The following FAM83F variants were observed in gnomAD, a reference collection of about 807,000 sequenced individuals.
The protein encoded by FAM83F is protein FAM83F.
Under a neutral mutation model 42.9 loss-of-function variants are expected in FAM83F, and 45 were observed. The ratio of observed to expected loss-of-function variants is 1.05; its 90% confidence interval spans 0.83 to 1.35. The LOEUF is 1.35. FAM83F is among the 40% of genes most tolerant of loss of function. The pLI is 0.00. For synonymous variants in FAM83F, 306 were observed against 298.3 expected, an observed-to-expected ratio of 1.03 and a Z score of -0.27; for missense variants, 617 against 695.9, an observed-to-expected ratio of 0.89 and a Z score of 1.28.
rs1471173551 is a variant in FAM83F, at chr22:40,032,701, T to G, written c.*3136T>G. 1.3e-5 allele frequency: 2 copies of G among 151,986 alleles called. No homozygotes were observed. The highest frequency in any genetic ancestry group is 2.9e-5 in the Non-Finnish European group (2 of 68,008). The allele number at this position is 151,986 out of a possible 1,614,324, so 9.4% of individuals were successfully genotyped here. ...CTTCTGCCTCAGCCTCCTGAGCAGC[T>G]ATGACTACAGGTGCCCACCACCATG... On this transcript the variant is annotated 3_prime_UTR_variant, in exon 5 of 5. Coordinates refer to ENST00000333407, the MANE Select transcript of FAM83F (RefSeq NM_138435.4).
At position 40,042,045 on chromosome 22, in the gene FAM83F, A is replaced by G. The variant is rs528545355; in HGVS notation, c.*12480A>G. The G allele has an allele frequency of 6.6e-6, 1 of 152,146 alleles. No homozygotes were observed. Among genetic ancestry groups the G allele is most frequent in the South Asian group, 2.1e-4 (1 of 4,822 alleles). 9.4% of individuals were successfully genotyped at this position (152,146 alleles called of 1,614,324 possible). A position where few individuals can be genotyped will look rare whatever the true frequency, so the allele number is the denominator to read the frequency against. On this transcript the variant is annotated 3_prime_UTR_variant, in exon 5 of 5. Coordinates refer to ENST00000333407, the MANE Select transcript of FAM83F (RefSeq NM_138435.4). ...AACTATTTATTTTCTTTCTTTTTGT[A>G]GAAATGGGCTCTGCCTGTGTTGCTC...
chr22:40,002,342 T>C (rs2067406771), intron 1 of FAM83F, among the ~76,000 whole-genome samples: 1 of 152,182 alleles, frequency 6.6e-6, no homozygotes, highest in African/African-American at 2.4e-5. Flanking sequence ...ATGTAATCAT[T>C]GCCTTGGGCT....
In FAM83F at chr22:40,041,260, C is replaced by G. The variant is rs528208372; in HGVS notation, c.*11695C>G. The G allele has an allele frequency of 6.6e-6, 1 of 152,114 alleles. No individual in the cohort carries two copies. Among genetic ancestry groups the G allele is most frequent in the South Asian group, 2.1e-4 (1 of 4,824 alleles). The allele number at this position is 152,114 out of a possible 1,614,324, so 9.4% of individuals were successfully genotyped here. On this transcript the variant is annotated 3_prime_UTR_variant, in exon 5 of 5. Transcript: ENST00000333407. ...CTGCATACAAGTGTGCAGGGCTTAA[C>G]GAGTCTTTTTACTCTGAAAGCTGGG...
chr22:40,017,229 T>TC (rs984781132), intron 1 of FAM83F, among the ~76,000 whole-genome samples: 33 of 147,258 alleles, frequency 2.2e-4, no homozygotes, highest in Non-Finnish European at 4.1e-4. Context: ...CACTTTCTTT[T>TC]TTTTTTTTTT....
intron 1 of FAM83F, among the ~76,000 whole-genome samples, chr22:40,001,309 T>C (rs2067400298): frequency 6.6e-6 from 1 of 152,142 alleles, no homozygotes; most frequent in Admixed American, 6.5e-5. Flanking sequence ...TCCTGGCTGA[T>C]AAAATGGGGA....
intron 1 of FAM83F, among the ~76,000 whole-genome samples, chr22:39,997,213 G>T (rs1464234269): frequency 6.6e-6 from 1 of 152,208 alleles, no homozygotes; most frequent in Non-Finnish European, 1.5e-5. Context: ...TGAAATAATG[G>T]TGCAGTCCGA....
rs2067574420 is a variant in FAM83F at position 40,029,438 on chromosome 22, C to T, written c.1454-78C>T. The T allele has an allele frequency of 8.5e-6, 13 of 1,535,894 alleles. No individual in the cohort carries two copies. In the East Asian group the frequency reaches 9.8e-5, roughly 12 times the overall value. The stretch of plus-strand genomic sequence containing the variant: ...CCCTCAACTGGAGATGTGGACAGCA[C>T]ACAGGGTAGGAACTGAAGCTGAATC... On this transcript the variant is annotated intron_variant, in intron 4 of 4. Coordinates refer to ENST00000333407, the MANE Select transcript of FAM83F (RefSeq NM_138435.4).
At chr22:40,018,306 ATG>A (rs1229411903) in intron 1 of FAM83F, among the ~76,000 whole-genome samples, 1 of 152,132 alleles carries the variant, frequency 6.6e-6, no homozygotes, top group Non-Finnish European at 1.5e-5. Context: ...GTTTGAGCAG[ATG>A]TGTGGCTCAC....
At position 40,041,359 on chromosome 22, in the gene FAM83F, A is replaced by G. The variant is rs2067649545; in HGVS notation, c.*11794A>G. Reference sequence around the variant, plus strand: ...GAGAGGAAATGAGAGCAAGCACAAGAGAGCACCCTGGCATAGCATTCTCTG... The same window carrying G: ...GAGAGGAAATGAGAGCAAGCACAAGGGAGCACCCTGGCATAGCATTCTCTG... On this transcript the variant is annotated 3_prime_UTR_variant, in exon 5 of 5. Transcript: ENST00000333407. 1 of 152,208 alleles carries G rather than the reference A, an allele frequency of 6.6e-6. No individual in the cohort carries two copies. The highest frequency in any genetic ancestry group is 1.5e-5 in the Non-Finnish European group (1 of 68,044). 9.4% of individuals were successfully genotyped at this position (152,208 alleles called of 1,614,324 possible).
intron 1 of FAM83F, among the ~76,000 whole-genome samples, chr22:40,011,446 G>T (rs925257123): frequency 6.6e-6 from 1 of 152,146 alleles, no homozygotes; most frequent in East Asian, 1.9e-4. Context: ...GCCTCCCAAA[G>T]GGCTGGGATA....
At chr22:40,024,591 A>G (rs1237508921) in intron 4 of FAM83F, among the ~76,000 whole-genome samples, 1 of 152,174 alleles carries the variant, frequency 6.6e-6, no homozygotes, top group South Asian at 2.1e-4. Flanking sequence ...TGCTCCCTGT[A>G]CCCAGGACAC....
chr22:39,995,088 G>T lies in FAM83F; in HGVS notation c.46G>T (p.Glu16Ter). Reference protein sequence around the residue: ...LNCLDEAHVNEKVTEAQAAFY... With the variant: ...LNCLDEAHVN ...CTGCCTGGACGAGGCGCACGTGAAC[G>T]AGAAGGTGACCGAGGCGCAGGCCGC... The change falls in exon 1 of 5, where the codon GAG becomes TAG. Residue 16 changes from glutamate to a stop codon, truncating the protein, a stop_gained. Coordinates refer to ENST00000333407, the MANE Select transcript of FAM83F (RefSeq NM_138435.4). LOFTEE classifies it high-confidence loss of function. This position sits in a 1 kb window ranked among gnomAD's most constrained non-coding sequence, Gnocchi z 4.6. The T allele has an allele frequency of 7.4e-7, 1 of 1,351,982 alleles. No individual in the cohort carries two copies. The highest frequency in any genetic ancestry group is 9.4e-7 in the Non-Finnish European group (1 of 1,060,032). 83.7% of individuals were successfully genotyped at this position (1,351,982 alleles called of 1,614,324 possible). A position where few individuals can be genotyped will look rare whatever the true frequency, so the allele number is the denominator to read the frequency against.
Position 40,042,631 on chromosome 22 carries a change from C to G in FAM83F, c.*13066C>G, listed in dbSNP as rs1297075931. 1.3e-5 allele frequency: 2 copies of G among 152,204 alleles called. No homozygotes were observed. Among genetic ancestry groups the G allele is most frequent in the African/African-American group, 4.8e-5 (2 of 41,430 alleles). 9.4% of individuals were successfully genotyped at this position (152,204 alleles called of 1,614,324 possible). A position where few individuals can be genotyped will look rare whatever the true frequency, so the allele number is the denominator to read the frequency against. On this transcript the variant is annotated 3_prime_UTR_variant, in exon 5 of 5. Coordinates refer to ENST00000333407, the MANE Select transcript of FAM83F (RefSeq NM_138435.4). ...GTCCTTGAAGGAAGAGAGAGTGTAT[C>G]ACTCATCTGCATAGCCTTTGTAACT...
chr22:40,020,090 C>G (rs1601770173), intron 3 of FAM83F, 82 bp downstream of exon 3: 11 of 1,526,034 alleles, frequency 7.2e-6, no homozygotes, highest in Non-Finnish European at 8.8e-6. Context: ...CCGGAGCCTC[C>G]GTCATCATGA....
rs1439936776 is a variant in FAM83F, at chr22:40,039,425, A to G, written c.*9860A>G. 6.6e-6 allele frequency: 1 copy of G among 152,190 alleles called. No individual in the cohort carries two copies. The highest frequency in any genetic ancestry group is 2.4e-5 in the African/African-American group (1 of 41,438). The allele number at this position is 152,190 out of a possible 1,614,324, so 9.4% of individuals were successfully genotyped here. ...CGCCTGGCCTGGTATGTGGGTTAAA[A>G]TGTTAGGTTTTATCATTATCTTAGG... is the stretch of plus-strand genomic sequence containing the variant. On this transcript the variant is annotated 3_prime_UTR_variant, in exon 5 of 5. Coordinates refer to ENST00000333407, the MANE Select transcript of FAM83F (RefSeq NM_138435.4).
At chr22:40,016,704 C>T (rs1202200469) in intron 1 of FAM83F, among the ~76,000 whole-genome samples, 1 of 151,510 alleles carries the variant, frequency 6.6e-6, no homozygotes, top group Non-Finnish European at 1.5e-5. Flanking sequence ...CTCATTGTCC[C>T]CCAGGCTGGA....
At chr22:40,019,406 C>T (rs2067507954) in intron 2 of FAM83F, 71 bp downstream of exon 2, 5 of 1,440,154 alleles carry the variant, frequency 3.5e-6, no homozygotes, top group African/African-American at 1.4e-5. Flanking sequence ...CGTCCTGCAG[C>T]TCCCCCCTGC....
chr22:40,039,340 C>G lies in FAM83F; in HGVS notation c.*9775C>G, dbSNP rs910000776. On this transcript the variant is annotated 3_prime_UTR_variant, in exon 5 of 5. Transcript: ENST00000333407. ...CAGCCTGGTCTTGAACCTCTGACTT[C>G]CATGATCCACCTGCCTCTGCCTCCC... is the stretch of plus-strand genomic sequence containing the variant. 7 of 152,196 alleles carry G rather than the reference C, an allele frequency of 4.6e-5. No homozygotes were observed. The highest frequency in any genetic ancestry group is 1.4e-4 in the African/African-American group (6 of 41,426). 9.4% of individuals were successfully genotyped at this position (152,196 alleles called of 1,614,324 possible).
intron 4 of FAM83F, among the ~76,000 whole-genome samples, chr22:40,026,303 G>T (rs2067552277): frequency 6.6e-6 from 1 of 152,194 alleles, no homozygotes; most frequent in Non-Finnish European, 1.5e-5. Flanking sequence ...GGCAGATCAT[G>T]AGGTCAGGAG....
Sources: allele counts gnomAD v4.1 joint callset (sites outside exome capture counted in the v4.1 genomes callset), GRCh38; gene constraint gnomAD v4.1.1; non-coding constraint Gnocchi (gnomAD v3.1); transcripts MANE v1.5; gene names NCBI Gene and HGNC (gene_info 2026-07-23, HGNC 2026-07-21).